OSBP2: variants seen among roughly 807,000 people sequenced by gnomAD.
OSBP2 encodes oxysterol-binding protein 2.
Under a neutral mutation model 96.0 loss-of-function variants are expected in OSBP2, and 66 were observed. The observed-to-expected ratio is 0.69, with a 90% CI of 0.56 to 0.84. The LOEUF is 0.84. Among genes scored for constraint, OSBP2 ranks in the 40% least tolerant of loss-of-function variants. The pLI is 0.00. For missense variants in OSBP2, 1,038 were observed against 1,222.7 expected, an observed-to-expected ratio of 0.85 and a Z score of 2.25; for synonymous variants, 525 against 520.9, an observed-to-expected ratio of 1.01 and a Z score of -0.11.
intron 2 of OSBP2, among the ~76,000 whole-genome samples, chr22:30,818,453 C>T (rs1159584043): frequency 6.6e-6 from 1 of 152,148 alleles, no homozygotes; most frequent in Non-Finnish European, 1.5e-5. Flanking sequence ...ACTTTTTGCA[C>T]TTGTGATGAG....
At position 30,870,698 on chromosome 22, in the gene OSBP2, C is replaced by T. The variant is rs1217682325; in HGVS notation, c.1107+16C>T. 2.5e-6 allele frequency: 4 copies of T among 1,606,534 alleles called. No individual in the cohort carries two copies. The East Asian group carries it at 6.7e-5, about 27-fold the overall frequency. ...TATGATCAACGTGAGTACCCACCCC[C>T]ACCGCCCTGGCACGGGGCTCCCTGG... is the stretch of plus-strand genomic sequence containing the variant. On this transcript the variant is annotated intron_variant, in intron 3 of 13. Transcript: ENST00000332585. This position sits in a 1 kb window ranked among gnomAD's most constrained non-coding sequence, Gnocchi z 4.1.
At chr22:30,896,486 A>T (rs1422996767) in intron 12 of OSBP2, among the ~76,000 whole-genome samples, 1 of 152,178 alleles carries the variant, frequency 6.6e-6, no homozygotes, top group East Asian at 1.9e-4. Context: ...GAAGGAAGAA[A>T]CATTTATAAG....
chr22:30,777,088 G>T (rs2090448061), intron 2 of OSBP2, among the ~76,000 whole-genome samples: 1 of 152,218 alleles, frequency 6.6e-6, no homozygotes, highest in Non-Finnish European at 1.5e-5. Context: ...ATAAGCAGAA[G>T]GGACTTGCCT....
At chr22:30,741,486 C>T in intron 2 of OSBP2, 117 bp downstream of exon 2, 3 of 792,908 alleles carry the variant, frequency 3.8e-6, no homozygotes, top group Admixed American at 4.8e-5. Flanking sequence ...CAGCGTGGAT[C>T]AATCTGGAAG....
At chr22:30,829,645 T>C (rs1298202137) in intron 2 of OSBP2, among the ~76,000 whole-genome samples, 1 of 152,222 alleles carries the variant, frequency 6.6e-6, no homozygotes, top group Non-Finnish European at 1.5e-5. Context: ...TTGTAAACTG[T>C]TGTAATAGTT....
rs2039039779 is a variant in OSBP2 at position 30,854,404 on chromosome 22, G to A, written c.854-16025G>A. Among the ~76,000 whole-genome samples, 4 of 148,354 alleles carry A rather than the reference G, an allele frequency of 2.7e-5. No individual in the cohort carries two copies. The South Asian group carries it at 8.5e-4, about 31-fold the overall frequency. On this transcript the variant is annotated intron_variant, in intron 2 of 13. Coordinates refer to ENST00000332585, the MANE Select transcript of OSBP2 (RefSeq NM_030758.4). ...GCTCACTGCAACCTCCACCTCCCAG[G>A]TTCAAGTGATTCTCCTGCCTCAGCC...
intron 2 of OSBP2, among the ~76,000 whole-genome samples, chr22:30,782,216 A>G (rs1371967478): frequency 2.0e-5 from 3 of 152,194 alleles, no homozygotes; most frequent in African/African-American, 7.2e-5. Flanking sequence ...TTTGACATTT[A>G]TGCACCCATG....
chr22:30,872,023 A>C (rs955462252), intron 3 of OSBP2, among the ~76,000 whole-genome samples: 1 of 152,096 alleles, frequency 6.6e-6, no homozygotes, highest in Non-Finnish European at 1.5e-5. Context: ...GCAGGTGCCC[A>C]CCCGCCTCAG....
intron 2 of OSBP2, among the ~76,000 whole-genome samples, chr22:30,807,868 C>T (rs2090950537): frequency 6.6e-6 from 1 of 152,198 alleles, no homozygotes; most frequent in Non-Finnish European, 1.5e-5. Context: ...TCACTGTAGC[C>T]TCAACGTCCT....
intron 12 of OSBP2, among the ~76,000 whole-genome samples, chr22:30,903,089 G>A (rs1057261263): frequency 5.9e-5 from 9 of 152,314 alleles, no homozygotes; most frequent in Admixed American, 2.0e-4. Context: ...CCAGAGGATC[G>A]GAGGTGGCCA....
chr22:30,757,161 C>T (rs1183186223), intron 2 of OSBP2, among the ~76,000 whole-genome samples: 1 of 152,158 alleles, frequency 6.6e-6, no homozygotes, highest in Non-Finnish European at 1.5e-5. Flanking sequence ...CCAGGGACGT[C>T]CTTGCTACTC....
At chr22:30,819,199 G>A (rs1164136741) in intron 2 of OSBP2, among the ~76,000 whole-genome samples, 1 of 152,196 alleles carries the variant, frequency 6.6e-6, no homozygotes, top group East Asian at 1.9e-4. Context: ...GCTGGGCGTG[G>A]TGGTGCATGC....
At position 30,791,476 on chromosome 22, in the gene OSBP2, GC is replaced by G. The variant is rs2090675097; in HGVS notation, c.853+50112del. ...CGAGTAGCTGGGATTACAGGCGTGT[GC>G]CCCCAAACCTGGCTAATTTTTGTGT... On this transcript the variant is annotated intron_variant, in intron 2 of 13. Transcript: ENST00000332585. 2.6e-5 allele frequency among the ~76,000 whole-genome samples: 4 copies of G among 151,572 alleles called. No individual in the cohort carries two copies. The South Asian group carries it at 8.4e-4, about 32-fold the overall frequency.
At chr22:30,891,083 C>G (rs1183028961) in intron 8 of OSBP2, 110 bp downstream of exon 8, 1 of 1,355,558 alleles carries the variant, frequency 7.4e-7, no homozygotes, top group East Asian at 2.4e-5. Context: ...ACCCTGACTG[C>G]CCATACCCAA....
chr22:30,710,890 C>T (rs895190983), intron 1 of OSBP2, among the ~76,000 whole-genome samples: 2 of 152,152 alleles, frequency 1.3e-5, no homozygotes, highest in African/African-American at 4.8e-5. Flanking sequence ...GGATTACAGG[C>T]GCCTGCCACC....
intron 2 of OSBP2, among the ~76,000 whole-genome samples, chr22:30,865,034 G>A (rs967213012): frequency 6.6e-6 from 1 of 152,156 alleles, no homozygotes; most frequent in African/African-American, 2.4e-5. Flanking sequence ...CCCCCAACAG[G>A]GCTTCCCCAA....
At position 30,695,095 on chromosome 22, in the gene OSBP2, G is replaced by A. The variant is rs746791917; in HGVS notation, c.186G>A (p.Arg62=). The A allele has an allele frequency of 2.5e-6, 4 of 1,580,924 alleles. No homozygotes were observed. Among genetic ancestry groups the A allele is most frequent in the Non-Finnish European group, 3.4e-6 (4 of 1,162,932 alleles). The change falls in exon 1 of 14, where the codon CGG becomes CGA. Residue 62 remains arginine, a synonymous_variant. Coordinates refer to ENST00000332585, the MANE Select transcript of OSBP2 (RefSeq NM_030758.4). ...CCCAGCCCGTGCCCGAACCGGAGCG[G>A]GGACCGCTGTCAGAACAGGTGTCGG... ...PQPQPVPEPE[R]GPLSEQVSEA...
In OSBP2 at chr22:30,708,145, C is replaced by T. The variant is rs1430945826; in HGVS notation, c.644+12592C>T. 2.0e-5 allele frequency among the ~76,000 whole-genome samples: 3 copies of T among 152,100 alleles called. No homozygotes were observed. The East Asian group carries it at 5.8e-4, about 29-fold the overall frequency. Reference sequence around the variant, plus strand: ...TCAGGTGATCCACCTGCCTCAGCCTCCCAAAATGCTGGGATTATAGGTGAG... The same window carrying T: ...TCAGGTGATCCACCTGCCTCAGCCTTCCAAAATGCTGGGATTATAGGTGAG... On this transcript the variant is annotated intron_variant, in intron 1 of 13. Coordinates refer to ENST00000332585, the MANE Select transcript of OSBP2 (RefSeq NM_030758.4).
intron 2 of OSBP2, among the ~76,000 whole-genome samples, chr22:30,776,362 C>T (rs978658988): frequency 7.9e-5 from 12 of 152,152 alleles, no homozygotes; most frequent in East Asian, 1.9e-4. Context: ...TGAGGTCAAT[C>T]GATCTGCCCG....
Sources: gnomAD v4.1 joint callset for allele counts (sites outside exome capture counted in the v4.1 genomes callset) on GRCh38, gnomAD v4.1.1 for gene constraint, Gnocchi (gnomAD v3.1) non-coding constraint, MANE v1.5 for transcripts, NCBI Gene and HGNC (gene_info 2026-07-23, HGNC 2026-07-21) for gene names.